The following THSD4 variants were observed in gnomAD, a reference collection of about 807,000 sequenced individuals.
The protein encoded by THSD4 is thrombospondin type-1 domain-containing protein 4.
Under a neutral mutation model 119.0 loss-of-function variants are expected in THSD4, and 69 were observed. That is an observed-to-expected ratio of 0.58 (90% CI 0.48 to 0.71). The LOEUF (loss-of-function observed/expected upper bound fraction) is 0.71. Among genes scored for constraint, THSD4 ranks in the 30% least tolerant of loss-of-function variants. The probability of loss-of-function intolerance (pLI) is 0.00; values close to 1 mark genes in which losing one functional copy is unlikely to be tolerated. For missense variants in THSD4, 1,393 were observed against 1,391.1 expected (o/e 1.00, Z -0.02); for synonymous variants, 524 against 540.4 (o/e 0.97, Z 0.42).
chr15:71,578,939 G>A (rs551825629), intron 7 of THSD4, among the ~76,000 whole-genome samples: 2 of 151,142 alleles, frequency 1.3e-5, no homozygotes, highest in Admixed American at 6.6e-5. Context: ...TGCCTCCCGG[G>A]TTCAAGTGAT....
At position 71,215,360 on chromosome 15, in the gene THSD4, A is replaced by C; in HGVS notation, c.425A>C (p.His142Pro). The change falls in exon 4 of 18, where the codon CAC becomes CCC. Residue 142 changes from histidine (H) to proline (P), a missense_variant. Coordinates refer to ENST00000261862, the MANE Select transcript of THSD4 (RefSeq NM_024817.3). ...CCCACGGTGCTGCGAGGCAGCCGGC[A>C]CCCACAGCCCCAGGGCCTCGAAGTC... The part of the protein sequence containing the change: ...QGPTVLRGSR[H>P]PQPQGLEVTG... 2 of 1,532,360 alleles carry C rather than the reference A, an allele frequency of 1.3e-6. No individual in the cohort carries two copies. The highest frequency in any genetic ancestry group is 1.7e-6 in the Non-Finnish European group (2 of 1,145,482). 94.9% of individuals were successfully genotyped at this position (1,532,360 alleles called of 1,614,324 possible). A position where few individuals can be genotyped will look rare whatever the true frequency, so the allele number is the denominator to read the frequency against.
At chr15:71,621,729 C>G (rs1235563836) in intron 7 of THSD4, among the ~76,000 whole-genome samples, 2 of 152,148 alleles carry the variant, frequency 1.3e-5, no homozygotes, top group African/African-American at 4.8e-5. Context: ...TGTAGAAGTT[C>G]AAGTCATTTG....
intron 8 of THSD4, among the ~76,000 whole-genome samples, chr15:71,662,789 C>T (rs748927476): frequency 1.4e-4 from 22 of 152,120 alleles, no homozygotes; most frequent in Non-Finnish European, 2.8e-4. Flanking sequence ...CAATAGGATA[C>T]AGATATTTCA....
At chr15:71,424,144 C>T (rs558025267) in intron 7 of THSD4, among the ~76,000 whole-genome samples, 2 of 152,202 alleles carry the variant, frequency 1.3e-5, no homozygotes, top group South Asian at 2.1e-4. Flanking sequence ...GTTATGTGAT[C>T]GCCCACCTGA....
At chr15:71,488,822 A>G (rs1010583692) in intron 7 of THSD4, among the ~76,000 whole-genome samples, 5 of 152,160 alleles carry the variant, frequency 3.3e-5, no homozygotes, top group African/African-American at 1.2e-4. Context: ...CTAGCAGATT[A>G]TGTATTTTGC....
At chr15:71,747,398 A>G (rs2053360679) in intron 13 of THSD4, among the ~76,000 whole-genome samples, 1 of 152,230 alleles carries the variant, frequency 6.6e-6, no homozygotes, top group South Asian at 2.1e-4. Context: ...GAGGCCTGGA[A>G]GAATAGAGTA....
At chr15:71,727,156 A>G (rs530150028) in intron 8 of THSD4, among the ~76,000 whole-genome samples, 6 of 152,198 alleles carry the variant, frequency 3.9e-5, no homozygotes, top group African/African-American at 1.2e-4. Context: ...ATGAACTTGA[A>G]CAAGTTCCCT....
chr15:71,535,286 C>A (rs1437489301), intron 7 of THSD4, among the ~76,000 whole-genome samples: 1 of 152,184 alleles, frequency 6.6e-6, no homozygotes, highest in Admixed American at 6.5e-5. Context: ...CAAGGATCAT[C>A]CATTTTGTAG....
intron 3 of THSD4, among the ~76,000 whole-genome samples, chr15:71,201,811 C>T (rs561572846): frequency 1.3e-5 from 2 of 152,220 alleles, no homozygotes; most frequent in Non-Finnish European, 2.9e-5. Context: ...CTGAGAGAGG[C>T]TCCTTTCTGC....
At chr15:71,280,900 A>G (rs1438546114) in intron 6 of THSD4, among the ~76,000 whole-genome samples, 1 of 152,226 alleles carries the variant, frequency 6.6e-6, no homozygotes, top group African/African-American at 2.4e-5. Context: ...AACTCTCATC[A>G]TACAAAGTAT....
chr15:71,377,356 G>T (rs1162016510), intron 6 of THSD4, among the ~76,000 whole-genome samples: 2 of 152,136 alleles, frequency 1.3e-5, no homozygotes, highest in African/African-American at 2.4e-5. Flanking sequence ...TGTGGGCTAG[G>T]ATCAACAGGA....
At chr15:71,183,258 C>T (rs984764793) in intron 3 of THSD4, 32 of 151,680 alleles carry the variant, frequency 2.1e-4, no homozygotes, top group African/African-American at 7.0e-4. Context: ...TTCACTACCA[C>T]GAGAATAGTA....
intron 7 of THSD4, among the ~76,000 whole-genome samples, chr15:71,566,584 A>G (rs1326506934): frequency 6.6e-6 from 1 of 152,012 alleles, no homozygotes; most frequent in Admixed American, 6.6e-5. Context: ...TGTGCTGTAG[A>G]TCCTGGTCTC....
intron 7 of THSD4, among the ~76,000 whole-genome samples, chr15:71,529,527 C>T (rs2140808456): frequency 6.6e-6 from 1 of 152,282 alleles, no homozygotes; most frequent in South Asian, 2.1e-4. Flanking sequence ...CTAACAGTCT[C>T]AATTGAAAGC....
chr15:71,603,133 C>T (rs958362593), intron 7 of THSD4, among the ~76,000 whole-genome samples: 1 of 152,212 alleles, frequency 6.6e-6, no homozygotes, highest in Admixed American at 6.5e-5. Context: ...TGATGTCTGA[C>T]AGGTACAATG....
intron 10 of THSD4, among the ~76,000 whole-genome samples, chr15:71,735,278 G>A (rs2053060384): frequency 6.6e-6 from 1 of 152,244 alleles, no homozygotes; most frequent in Non-Finnish European, 1.5e-5. Flanking sequence ...TGCATGGGGG[G>A]CACAGGAAGC....
intron 6 of THSD4, among the ~76,000 whole-genome samples, chr15:71,279,972 C>G (rs1475912837): frequency 6.6e-6 from 1 of 152,156 alleles, no homozygotes; most frequent in East Asian, 1.9e-4. Flanking sequence ...ATAACTTCCT[C>G]TTGTTGTGAG....
At chr15:71,168,200 C>T (rs1309673514) in intron 3 of THSD4, among the ~76,000 whole-genome samples, 2 of 152,176 alleles carry the variant, frequency 1.3e-5, no homozygotes, top group Non-Finnish European at 2.9e-5. Flanking sequence ...TTGAGCAAGA[C>T]TTTAATAAAA....
intron 7 of THSD4, among the ~76,000 whole-genome samples, chr15:71,469,427 G>T (rs1230350644): frequency 6.6e-6 from 1 of 152,140 alleles, no homozygotes; most frequent in Non-Finnish European, 1.5e-5. Context: ...AGCAACCCAT[G>T]GAGAACAGTG....
Sources: gnomAD v4.1 joint callset for allele counts (sites outside exome capture counted in the v4.1 genomes callset) on GRCh38, gnomAD v4.1.1 for gene constraint, MANE v1.5 for transcripts, NCBI Gene and HGNC (gene_info 2026-07-23, HGNC 2026-07-21) for gene names.